The following NEO1 variants were observed in gnomAD, a reference collection of about 807,000 sequenced individuals.
NEO1 encodes the protein neogenin 1.
NEO1 carries 63 observed loss-of-function variants against 159.7 expected under a neutral mutation model. The observed-to-expected ratio is 0.39, with a 90% CI of 0.32 to 0.49. The LOEUF is 0.49. NEO1 is among the 20% of genes least tolerant of loss of function. The pLI, the probability that NEO1 is intolerant of heterozygous loss-of-function variation, is 0.85. For synonymous variants in NEO1, 633 were observed against 662.0 expected, an observed-to-expected ratio of 0.96 and a Z score of 0.67; for missense variants, 1,615 against 1,831.0, an observed-to-expected ratio of 0.88 and a Z score of 2.15.
intron 21 of NEO1, 120 bp downstream of exon 21, chr15:73,274,844 A>T: frequency 1.0e-6 from 1 of 987,956 alleles, no homozygotes. Flanking sequence ...GTTAAAAGCC[A>T]CACAGTTATT....
chr15:73,072,875 A>T (rs1364941105), intron 1 of NEO1, among the ~76,000 whole-genome samples: 1 of 152,150 alleles, frequency 6.6e-6, no homozygotes, highest in Non-Finnish European at 1.5e-5. Context: ...GATGGATTGG[A>T]TATGGTGGTG....
At chr15:73,174,613 C>G (rs140709568) in intron 5 of NEO1, among the ~76,000 whole-genome samples, 1 of 152,280 alleles carries the variant, frequency 6.6e-6, no homozygotes, top group African/African-American at 2.4e-5. Context: ...AAGCCCATCA[C>G]TCTGCTTTGC....
chr15:73,157,643 T>G (rs1354928986), intron 5 of NEO1, among the ~76,000 whole-genome samples: 1 of 152,234 alleles, frequency 6.6e-6, no homozygotes, highest in Non-Finnish European at 1.5e-5. Flanking sequence ...TGTTGAAGTT[T>G]CCTTTTGCTT....
chr15:73,113,891 CCTAA>C (rs1199777541), intron 1 of NEO1, among the ~76,000 whole-genome samples: 3 of 147,092 alleles, frequency 2.0e-5, no homozygotes, highest in South Asian at 2.1e-4. Context: ...TTTGTTTGAA[CCTAA>C]CTGTTAAAAG....
intron 26 of NEO1, among the ~76,000 whole-genome samples, chr15:73,294,265 C>T (rs1001599884): frequency 1.3e-5 from 2 of 152,160 alleles, no homozygotes; most frequent in African/African-American, 2.4e-5. Context: ...GGACAGTAAG[C>T]GGCATAAATA....
At chr15:73,218,911 T>C (rs954011806) in intron 7 of NEO1, among the ~76,000 whole-genome samples, 3 of 152,216 alleles carry the variant, frequency 2.0e-5, no homozygotes, top group African/African-American at 7.2e-5. Context: ...GTTTTTTGTA[T>C]CTCTATCTCC....
chr15:73,120,153 A>ATTAAT lies in NEO1; in HGVS notation c.449-2350_449-2346dup, dbSNP rs545849053. ...TCTGTCTCATAAAAAAAATTAATTA[A>ATTAAT]TTAATTTAATTTAATTTAATTTAAT... is the stretch of plus-strand genomic sequence containing the variant. On this transcript the variant is annotated intron_variant, in intron 2 of 28. Coordinates refer to ENST00000261908, the MANE Select transcript of NEO1 (RefSeq NM_002499.4). Among the ~76,000 whole-genome samples the ATTAAT allele has an allele frequency of 9.1e-3, 1,364 of 149,750 alleles. 9 individuals are homozygous for ATTAAT. The highest frequency in any genetic ancestry group is 0.021 in the African/African-American group (853 of 40,468).
chr15:73,278,242 A>C (rs763378317), intron 22 of NEO1, 43 bp downstream of exon 22: 5 of 1,574,002 alleles, frequency 3.2e-6, no homozygotes. Flanking sequence ...TATGGACATG[A>C]AGCACTTTTG....
intron 8 of NEO1, among the ~76,000 whole-genome samples, chr15:73,237,436 G>A (rs1316172161): frequency 6.6e-6 from 1 of 152,174 alleles, no homozygotes; most frequent in Non-Finnish European, 1.5e-5. Context: ...TTCACACATT[G>A]CCGAGTAGTA....
intron 11 of NEO1, among the ~76,000 whole-genome samples, chr15:73,252,458 T>A (rs2040126059): frequency 6.6e-6 from 1 of 152,202 alleles, no homozygotes; most frequent in Non-Finnish European, 1.5e-5. Context: ...AATGAGTATT[T>A]TCTGGTATCT....
At position 73,052,675 on chromosome 15, in the gene NEO1, G is replaced by C; in HGVS notation, c.-1G>C. The C allele has an allele frequency of 7.4e-7, 1 of 1,346,042 alleles. No individual in the cohort carries two copies. The highest frequency in any genetic ancestry group is 9.6e-7 in the Non-Finnish European group (1 of 1,041,110). 83.4% of individuals were successfully genotyped at this position (1,346,042 alleles called of 1,614,324 possible). A position where few individuals can be genotyped will look rare whatever the true frequency, so the allele number is the denominator to read the frequency against. Reference sequence around the variant, plus strand: ...CGCTGCCGCTCACTCTCGGGGAAGAGATGGCGGCGGAGCGGGGAGCCCGGC... The same window carrying C: ...CGCTGCCGCTCACTCTCGGGGAAGACATGGCGGCGGAGCGGGGAGCCCGGC... On this transcript the variant is annotated 5_prime_UTR_variant, in exon 1 of 29. Transcript: ENST00000261908.
intron 5 of NEO1, among the ~76,000 whole-genome samples, chr15:73,175,902 GA>G (rs2035256613): frequency 6.6e-6 from 1 of 152,160 alleles, no homozygotes; most frequent in Non-Finnish European, 1.5e-5. Context: ...TGCATATAAT[GA>G]GGGATCTTAG....
At chr15:73,286,085 C>CCACCCT (rs1567697815) in intron 23 of NEO1, among the ~76,000 whole-genome samples, 1 of 145,668 alleles carries the variant, frequency 6.9e-6, no homozygotes, top group Non-Finnish European at 1.5e-5. Flanking sequence ...ACCCCCACCC[C>CCACCCT]CTGTATGGTC....
intron 1 of NEO1, among the ~76,000 whole-genome samples, chr15:73,060,355 C>T (rs543812716): frequency 6.6e-6 from 1 of 152,172 alleles, no homozygotes; most frequent in Admixed American, 6.5e-5. Flanking sequence ...CCTCTGCCTC[C>T]CAGATTCAAG....
At chr15:73,117,990 A>G (rs1354454927) in intron 2 of NEO1, among the ~76,000 whole-genome samples, 1 of 151,652 alleles carries the variant, frequency 6.6e-6, no homozygotes, top group Non-Finnish European at 1.5e-5. Context: ...GCTTTCTCCA[A>G]CATGTTTCAT....
chr15:73,244,972 A>AT (rs2039695667), intron 9 of NEO1, among the ~76,000 whole-genome samples: 1 of 147,310 alleles, frequency 6.8e-6, no homozygotes, highest in Non-Finnish European at 1.5e-5. Flanking sequence ...AAAAAAAAAA[A>AT]AAAAAAAAAA....
chr15:73,302,974 G>A lies in NEO1; in HGVS notation c.*278G>A, dbSNP rs991292712. 5.2e-6 allele frequency: 2 copies of A among 381,814 alleles called. No homozygotes were observed. The highest frequency in any genetic ancestry group is 4.0e-5 in the African/African-American group (2 of 49,730). The allele number at this position is 381,814 out of a possible 1,614,324, so 23.7% of individuals were successfully genotyped here. Reference sequence around the variant, plus strand: ...GCCAAAATTTTGTGTCCAGGGAAGAGGCGAGAAGTGCAACCTGCATTTCAC... The same window carrying A: ...GCCAAAATTTTGTGTCCAGGGAAGAAGCGAGAAGTGCAACCTGCATTTCAC... On this transcript the variant is annotated 3_prime_UTR_variant, in exon 29 of 29. Transcript: ENST00000261908.
At chr15:73,098,471 G>T (rs2070211104) in intron 1 of NEO1, among the ~76,000 whole-genome samples, 1 of 152,086 alleles carries the variant, frequency 6.6e-6, no homozygotes, top group South Asian at 2.1e-4. Flanking sequence ...ATATATGTGT[G>T]TGTGTTAATA....
In NEO1 at chr15:73,270,363, G is replaced by T. The variant is rs199736926; in HGVS notation, c.2766G>T (p.Pro922=). 2.0e-5 allele frequency: 32 copies of T among 1,613,944 alleles called. No homozygotes were observed. The highest frequency in any genetic ancestry group is 2.6e-5 in the Non-Finnish European group (31 of 1,180,034). Residue 922 remains proline, a synonymous_variant, in exon 18 of 29, where the codon CCG becomes CCT. Coordinates refer to ENST00000261908, the MANE Select transcript of NEO1 (RefSeq NM_002499.4). Reference sequence around the variant, plus strand: ...GTTATTTGGTGACTGGTTTAAAGCCGAATACACTCTATGAATTCTCTGTGA... The same window carrying T: ...GTTATTTGGTGACTGGTTTAAAGCCTAATACACTCTATGAATTCTCTGTGA... ...TLSYLVTGLK[P]NTLYEFSVMV...
Sources: allele counts gnomAD v4.1 joint callset (sites outside exome capture counted in the v4.1 genomes callset), GRCh38; gene constraint gnomAD v4.1.1; transcripts MANE v1.5; gene names NCBI Gene and HGNC (gene_info 2026-07-23, HGNC 2026-07-21).